Variants in PALLD observed in about 807,000 individuals in gnomAD.
PALLD encodes the protein palladin, cytoskeletal associated protein, also known as palladin.
A neutral mutation model predicts 123.5 loss-of-function variants in PALLD; 61 were observed. That is an observed-to-expected ratio of 0.49 (90% CI 0.40 to 0.61). PALLD has a LOEUF of 0.61. Among genes scored for constraint, PALLD ranks in the 20% least tolerant of loss-of-function variants. The probability of loss-of-function intolerance (pLI) is 0.00; values close to 1 mark genes in which losing one functional copy is unlikely to be tolerated. For synonymous variants in PALLD, 465 were observed against 496.4 expected (o/e 0.94, Z 0.84); for missense variants, 1,273 against 1,377.0 (o/e 0.92, Z 1.20).
In PALLD at chr4:168,921,582, C is replaced by T. The variant is rs1176026649; in HGVS notation, c.2899C>T (p.Pro967Ser). The change falls in exon 18 of 22, where the codon CCC becomes TCC. Residue 967 changes from proline to serine, a missense_variant. Physicochemically the swap from Pro to Ser is moderately conservative, Grantham distance 74. This residue lies in a region of PALLD where 329 missense variants were observed against 422.5 expected (regional missense o/e 0.78). Transcript: ENST00000505667. Reference protein sequence around the residue: ...PDLSWQLDGKPVRPDSAHKML... With the variant: ...PDLSWQLDGKSVRPDSAHKML... Reference sequence around the variant, plus strand: ...TCTAAGCTGGCAACTAGATGGAAAGCCCGTACGCCCTGACAGTGCTCACAA... The same window carrying T: ...TCTAAGCTGGCAACTAGATGGAAAGTCCGTACGCCCTGACAGTGCTCACAA... 2 of 1,608,954 alleles carry T rather than the reference C, an allele frequency of 1.2e-6. No homozygotes were observed. The highest frequency in any genetic ancestry group is 1.4e-5 in the African/African-American group (1 of 73,202).
intron 2 of PALLD, among the ~76,000 whole-genome samples, chr4:168,586,063 G>T (rs1770784198): frequency 1.4e-5 from 2 of 145,380 alleles, no homozygotes; most frequent in South Asian, 4.5e-4. Flanking sequence ...GGAAAGAAAT[G>T]TCTTGAGAAA....
intron 2 of PALLD, among the ~76,000 whole-genome samples, chr4:168,595,457 TG>T (rs1431688134): frequency 6.6e-6 from 1 of 152,166 alleles, no homozygotes; most frequent in African/African-American, 2.4e-5. Context: ...TTATGATAAA[TG>T]CTTAAAAGAC....
intron 10 of PALLD, among the ~76,000 whole-genome samples, chr4:168,822,923 A>T (rs533230908): frequency 2.1e-4 from 32 of 152,216 alleles, no homozygotes; most frequent in Non-Finnish European, 4.3e-4. Flanking sequence ...TTGTCTTTAT[A>T]TCTAATGAAA....
At chr4:168,675,782 A>T (rs541554931) in intron 3 of PALLD, among the ~76,000 whole-genome samples, 1 of 152,346 alleles carries the variant, frequency 6.6e-6, no homozygotes, top group African/African-American at 2.4e-5. Flanking sequence ...TAGGCCAGGC[A>T]TGGTGGCTCA....
At chr4:168,503,692 T>C (rs1261322739) in intron 1 of PALLD, among the ~76,000 whole-genome samples, 1 of 151,958 alleles carries the variant, frequency 6.6e-6, no homozygotes, top group African/African-American at 2.4e-5. Context: ...AAGCACATTT[T>C]AAGCAAAAGG....
At chr4:168,796,186 C>T (rs918319766) in intron 10 of PALLD, among the ~76,000 whole-genome samples, 3 of 152,152 alleles carry the variant, frequency 2.0e-5, no homozygotes, top group African/African-American at 7.2e-5. Flanking sequence ...CCCTCACCTC[C>T]CACCTTGCCC....
At chr4:168,738,501 A>G (rs75706119) in intron 10 of PALLD, among the ~76,000 whole-genome samples, 1 of 150,020 alleles carries the variant, frequency 6.7e-6, no homozygotes, top group Non-Finnish European at 1.5e-5. Context: ...TGAGATCTTG[A>G]CTCACTGCAA....
Position 168,915,918 on chromosome 4 carries a change from G to A in PALLD, c.2741G>A (p.Ser914Asn), listed in dbSNP as rs1315372640. 1.2e-6 allele frequency: 2 copies of A among 1,613,318 alleles called. No individual in the cohort carries two copies. Among genetic ancestry groups the A allele is most frequent in the South Asian group, 1.1e-5 (1 of 91,072 alleles). Residue 914 changes from serine (S) to asparagine (N), a missense_variant, in exon 17 of 22, where the codon AGT becomes AAT. Physicochemically the swap from Ser to Asn is conservative, Grantham distance 46 (BLOSUM62 1). Coordinates refer to ENST00000505667, the MANE Select transcript of PALLD (RefSeq NM_001166108.2). ...AGGCCTCGTTCTAGATCAAGGGACA[G>A]TGGAGACGAAAATGAACCAATTCAG... ...VRRPRSRSRD[S>N]GDENEPIQER...
chr4:168,624,758 T>C (rs1216506964), intron 2 of PALLD, among the ~76,000 whole-genome samples: 1 of 152,114 alleles, frequency 6.6e-6, no homozygotes, highest in Non-Finnish European at 1.5e-5. Flanking sequence ...TACACTGTAA[T>C]TAGTTGCTTA....
At chr4:168,811,451 C>A (rs6820615) in intron 10 of PALLD, among the ~76,000 whole-genome samples, 74,411 of 152,072 alleles carry the variant, frequency 0.49, 19,655 homozygotes, top group African/African-American at 0.68. Context: ...ATGTTTACTG[C>A]TGGCCAGGCA....
At chr4:168,654,482 C>G (rs753380146) in intron 2 of PALLD, among the ~76,000 whole-genome samples, 2 of 152,114 alleles carry the variant, frequency 1.3e-5, no homozygotes, top group Non-Finnish European at 2.9e-5. Flanking sequence ...ATAACGAAAA[C>G]TGTATTTTTC....
At chr4:168,791,434 C>A (rs1274759042) in intron 10 of PALLD, among the ~76,000 whole-genome samples, 2 of 152,116 alleles carry the variant, frequency 1.3e-5, no homozygotes, top group East Asian at 3.8e-4. Context: ...AGGAAACTTA[C>A]AATCATGGTG....
chr4:168,676,898 A>C (rs981327915), intron 3 of PALLD, among the ~76,000 whole-genome samples: 2 of 152,046 alleles, frequency 1.3e-5, no homozygotes, highest in Non-Finnish European at 2.9e-5. Flanking sequence ...TTAAAATGAA[A>C]AGGGAGCACC....
Position 168,512,418 on chromosome 4 carries a change from A to C in PALLD, c.908+6A>C, listed in dbSNP as rs373941599. On this transcript the variant is annotated splice_donor_region_variant and intron_variant, in intron 2 of 21. Transcript: ENST00000505667. ...AACCCCACTCCTCGAGTCAGGTATG[A>C]ATTTTTGTATTATGCATAGCAAATG... 2 of 1,610,826 alleles carry C rather than the reference A, an allele frequency of 1.2e-6. No individual in the cohort carries two copies. The highest frequency in any genetic ancestry group is 1.7e-6 in the Non-Finnish European group (2 of 1,178,160).
rs561270724 is a variant in PALLD, at chr4:168,882,551, A to G, written c.1965-8371A>G. On this transcript the variant is annotated intron_variant, in intron 10 of 21. Coordinates refer to ENST00000505667, the MANE Select transcript of PALLD (RefSeq NM_001166108.2). ...AAGAATCCAACAGATACAAGCCGCA[A>G]TGTACTTTGCAGACATCTCATCTAC... is the stretch of plus-strand genomic sequence containing the variant. Among the ~76,000 whole-genome samples, 15 of 146,764 alleles carry G rather than the reference A, an allele frequency of 1.0e-4. No homozygotes were observed. In the South Asian group the frequency reaches 2.8e-3, roughly 28 times the overall value.
chr4:168,545,917 T>G (rs2149523059), intron 2 of PALLD, among the ~76,000 whole-genome samples: 1 of 152,336 alleles, frequency 6.6e-6, no homozygotes, highest in African/African-American at 2.4e-5. Context: ...TTCATGATTT[T>G]AAATTACTTA....
chr4:168,736,421 T>C (rs1250919193), intron 10 of PALLD, among the ~76,000 whole-genome samples: 1 of 152,210 alleles, frequency 6.6e-6, no homozygotes, highest in African/African-American at 2.4e-5. Flanking sequence ...AAATACCAAG[T>C]GCTGTCACCA....
rs1748207675 is a variant in PALLD at position 168,854,055 on chromosome 4, C to T, written c.1965-36867C>T. ...TACTCTGTGGGTTCTATTATTACCC[C>T]ATTACATAGATGAGAAAACAGAGGT... On this transcript the variant is annotated intron_variant, in intron 10 of 21. Transcript: ENST00000505667. Among the ~76,000 whole-genome samples, 8 of 152,252 alleles carry T rather than the reference C, an allele frequency of 5.3e-5. No individual in the cohort carries two copies. The South Asian group carries it at 6.2e-4, about 12-fold the overall frequency.
chr4:168,829,956 G>A (rs961313060), intron 10 of PALLD, among the ~76,000 whole-genome samples: 1 of 152,176 alleles, frequency 6.6e-6, no homozygotes, highest in African/African-American at 2.4e-5. Flanking sequence ...TACAGGCCAG[G>A]TGCAGTGGGT....
Sources: allele counts gnomAD v4.1 joint callset (sites outside exome capture counted in the v4.1 genomes callset), GRCh38; gene constraint gnomAD v4.1.1; regional missense constraint gnomAD v4.1.1; transcripts MANE v1.5; gene names NCBI Gene and HGNC (gene_info 2026-07-23, HGNC 2026-07-21).